POLM: variants seen among roughly 807,000 people sequenced by gnomAD.
POLM encodes the protein DNA-directed DNA/RNA polymerase mu.
Under a neutral mutation model 56.7 loss-of-function variants are expected in POLM, and 52 were observed. The observed-to-expected ratio is 0.92, with a 90% CI of 0.73 to 1.15. POLM has a LOEUF of 1.15. POLM is among the 50% of genes most tolerant of loss of function. The pLI, the probability that POLM is intolerant of heterozygous loss-of-function variation, is 0.00. For missense variants in POLM, 660 were observed against 663.6 expected (o/e 0.99, Z 0.06); for synonymous variants, 273 against 274.3 (o/e 1.00, Z 0.05).
At chr7:44,080,067 A>T in intron 2 of POLM, 108 bp from the exon 3 acceptor site, 1 of 770,652 alleles carries the variant, frequency 1.3e-6, no homozygotes, top group South Asian at 1.5e-5. Context: ...GGCCCTCTGG[A>T]GCTCATGGGA....
intron 2 of POLM, among the ~76,000 whole-genome samples, 168 bp from the exon 3 acceptor site, chr7:44,080,127 C>T (rs2067757147): frequency 6.6e-6 from 1 of 152,198 alleles, no homozygotes; most frequent in South Asian, 2.1e-4. Flanking sequence ...GGAGGCACCG[C>T]CCTGCAGAAC....
At chr7:44,079,798 C>A in intron 3 of POLM, 57 bp from the exon 4 acceptor site, 3 of 1,609,800 alleles carry the variant, frequency 1.9e-6, no homozygotes, top group Non-Finnish European at 2.6e-6. Context: ...CCCCCACCTA[C>A]CACCCATCTG....
chr7:44,074,810 T>C (rs2096179425), intron 6 of POLM, among the ~76,000 whole-genome samples: 1 of 152,228 alleles, frequency 6.6e-6, no homozygotes, highest in Admixed American at 6.5e-5. Flanking sequence ...ATGTGCCTTT[T>C]ACCCAGCTCC....
intron 10 of POLM, 72 bp from the exon 11 acceptor site, chr7:44,073,449 T>TG (rs1203505308): frequency 6.3e-7 from 1 of 1,587,612 alleles, no homozygotes; most frequent in Non-Finnish European, 8.6e-7. Flanking sequence ...AGACTGAGGG[T>TG]GGGGAAGAGC....
chr7:44,080,718 T>G lies in POLM; in HGVS notation c.372+15A>C, dbSNP rs2096197222. The G allele has an allele frequency of 6.2e-7, 1 of 1,613,056 alleles. No individual in the cohort carries two copies. Among genetic ancestry groups the G allele is most frequent in the African/African-American group, 1.3e-5 (1 of 74,902 alleles). ...TTTCACTGTAGCCCCCACTTTAGTC[T>G]TCCACCCAGCTCACCTCCAGGCGGT... On this transcript the variant is annotated intron_variant, in intron 2 of 10. Transcript: ENST00000242248.
At position 44,073,678 on chromosome 7, in the gene POLM, G is replaced by A. The variant is rs776279019; in HGVS notation, c.1345C>T (p.Arg449Trp). The A allele has an allele frequency of 7.1e-5, 114 of 1,614,162 alleles. No homozygotes were observed. In the East Asian group the frequency reaches 7.4e-4, roughly 10 times the overall value. Reference protein sequence around the residue: ...LFQRELRRFSRKEKGLWLNSH... With the variant: ...LFQRELRRFSWKEKGLWLNSH... Reference sequence around the variant, plus strand: ...TTCAGCCACAGGCCCTTCTCCTTCCGGCTGAAGCGGCGCAGCTCCCGCTGG... The same window carrying A: ...TTCAGCCACAGGCCCTTCTCCTTCCAGCTGAAGCGGCGCAGCTCCCGCTGG... Residue 449 changes from arginine to tryptophan, a missense_variant, in exon 10 of 11, where the codon CGG (arginine) becomes TGG (tryptophan). Coordinates refer to ENST00000242248, the MANE Select transcript of POLM (RefSeq NM_013284.4).
In POLM at chr7:44,078,816, G is replaced by C; in HGVS notation, c.643-5C>G. On this transcript the variant is annotated splice_region_variant and splice_polypyrimidine_tract_variant and intron_variant, in intron 4 of 10. Transcript: ENST00000242248. ...CACTCCATGCTCCAGCAGCTCCTGG[G>C]GGAGGGAACAAAGCAGAACTCTAAG... 6.2e-7 allele frequency: 1 copy of C among 1,612,760 alleles called. No homozygotes were observed. Among genetic ancestry groups the C allele is most frequent in the Non-Finnish European group, 8.5e-7 (1 of 1,179,062 alleles).
rs2096176941 is a variant in POLM at position 44,074,217 on chromosome 7, G to A, written c.985C>T (p.His329Tyr). 2 of 1,587,434 alleles carry A rather than the reference G, an allele frequency of 1.3e-6. No individual in the cohort carries two copies. The highest frequency in any genetic ancestry group is 2.3e-5 in the East Asian group (1 of 43,956). Residue 329 changes from histidine (H) to tyrosine (Y), a missense_variant, in exon 8 of 11, where the codon CAT (histidine) becomes TAT (tyrosine). Physicochemically the swap from His to Tyr is moderately conservative, Grantham distance 83. Coordinates refer to ENST00000242248, the MANE Select transcript of POLM (RefSeq NM_013284.4). ...TGGGTGATGAGGAAGTCCACGTCAT[G>A]GCCCTGCAACTTCCCCCTGAGGGCG... ...GGFRRGKLQG[H>Y]DVDFLITHPK...
rs772559667 is a variant in POLM at position 44,079,755 on chromosome 7, C to G, written c.472-14G>C. On this transcript the variant is annotated splice_polypyrimidine_tract_variant and intron_variant, in intron 3 of 10. Coordinates refer to ENST00000242248, the MANE Select transcript of POLM (RefSeq NM_013284.4). ...CTCCAGAGCCTCCTGCAGGGAGGGG[C>G]CCTAGGTAAGGGGCAGGGTGGGCAG... 1.2e-6 allele frequency: 2 copies of G among 1,609,468 alleles called. No individual in the cohort carries two copies. Among genetic ancestry groups the G allele is most frequent in the Non-Finnish European group, 1.7e-6 (2 of 1,177,036 alleles).
At position 44,079,644 on chromosome 7, in the gene POLM, G is replaced by C; in HGVS notation, c.569C>G (p.Pro190Arg). 6.2e-7 allele frequency: 1 copy of C among 1,613,876 alleles called. No individual in the cohort carries two copies. The highest frequency in any genetic ancestry group is 8.5e-7 in the Non-Finnish European group (1 of 1,179,940). The change falls in exon 4 of 11, where the codon CCC becomes CGC. Residue 190 changes from proline to arginine, a missense_variant. Pro to Arg is a moderately radical substitution (Grantham distance 103). Transcript: ENST00000242248. ...CTGGCTCAGGGTTGTGACAGGGCTG[G>C]GAAGGGCCTTGAGCACCGAGGCTGC... The part of the protein sequence containing the change: ...CRAASVLKAL[P>R]SPVTTLSQLQ...
In POLM at chr7:44,079,844, T is replaced by G; in HGVS notation, c.471+17A>C. On this transcript the variant is annotated intron_variant, in intron 3 of 10. Transcript: ENST00000242248. Reference sequence around the variant, plus strand: ...CCCAACCCCCAGGGCTGGCCAAGGCTCATAGAAGCGGCTTACGGAGAGGCC... The same window carrying G: ...CCCAACCCCCAGGGCTGGCCAAGGCGCATAGAAGCGGCTTACGGAGAGGCC... 1 of 1,613,680 alleles carries G rather than the reference T, an allele frequency of 6.2e-7. No homozygotes were observed.
At position 44,082,270 on chromosome 7, in the gene POLM, G is replaced by A. The variant is rs760315142; in HGVS notation, c.169C>T (p.Arg57Cys). 1 of 1,511,262 alleles carries A rather than the reference G, an allele frequency of 6.6e-7. No individual in the cohort carries two copies. Among genetic ancestry groups the A allele is most frequent in the Admixed American group, 2.3e-5 (1 of 43,616 alleles). The allele number at this position is 1,511,262 out of a possible 1,614,324, so 93.6% of individuals were successfully genotyped here. ...LTGLARSKGF[R>C]VLDACSSEAT... ...CCGCACCTGCAGGCGTCAAGGACGC[G>A]GAAGCCTTTGGAGCGCGCCAGGCCT... is the stretch of plus-strand genomic sequence containing the variant. The change falls in exon 1 of 11, where the codon CGC (arginine) becomes TGC (cysteine). Residue 57 changes from arginine (R) to cysteine (C), a missense_variant. Arg to Cys is a radical substitution (Grantham distance 180). Coordinates refer to ENST00000242248, the MANE Select transcript of POLM (RefSeq NM_013284.4).
At chr7:44,081,002 T>C (rs2096198383) in intron 1 of POLM, 86 bp from the exon 2 acceptor site, 3 of 1,154,062 alleles carry the variant, frequency 2.6e-6, no homozygotes, top group Admixed American at 5.1e-5. Flanking sequence ...TTGCCGTCCC[T>C]TCTGCATGGT....
In POLM at chr7:44,079,926, C is replaced by A; in HGVS notation, c.406G>T (p.Ala136Ser). 6.2e-7 allele frequency: 1 copy of A among 1,613,948 alleles called. No individual in the cohort carries two copies. The highest frequency in any genetic ancestry group is 8.5e-7 in the Non-Finnish European group (1 of 1,179,962). The change falls in exon 3 of 11, where the codon GCA (alanine) becomes TCA (serine). Residue 136 changes from alanine (A) to serine (S), a missense_variant. Ala to Ser is a moderately conservative substitution (Grantham distance 99). Transcript: ENST00000242248. ...AGPRKGPLSP[A>S]WMPAYACQRP... The stretch of plus-strand genomic sequence containing the variant: ...TGGCAGGCATAGGCAGGCATCCATG[C>A]TGGGCTCAGAGGCCCCTTCCTTGGC...
In POLM at chr7:44,082,347, G is replaced by A; in HGVS notation, c.92C>T (p.Ala31Val). The part of the protein sequence containing the change: ...TPPSTRFPGV[A>V]IYLVEPRMGR... ...CATGCGAGGCTCGACCAGGTAGATG[G>A]CGACTCCCGGGAAGCGCGTCGAGGG... The change falls in exon 1 of 11, where the codon GCC (alanine) becomes GTC (valine). Residue 31 changes from alanine to valine, a missense_variant. Transcript: ENST00000242248. 6.4e-7 allele frequency: 1 copy of A among 1,559,566 alleles called. No individual in the cohort carries two copies. The highest frequency in any genetic ancestry group is 8.6e-7 in the Non-Finnish European group (1 of 1,160,100).
At chr7:44,082,224 C>G (rs1335170907) in intron 1 of POLM, 27 bp downstream of exon 1, 1 of 1,422,262 alleles carries the variant, frequency 7.0e-7, no homozygotes. Flanking sequence ...GCCATGGAAG[C>G]CCTCGCCGCG....
rs201483945 is a variant in POLM, at chr7:44,080,922, G to A, written c.189-6C>T. 61 of 1,554,514 alleles carry A rather than the reference G, an allele frequency of 3.9e-5. No homozygotes were observed. Among genetic ancestry groups the A allele is most frequent in the Admixed American group, 1.2e-4 (6 of 52,042 alleles). ...CAACATGTGTCGCTTCGGAGCTGGT[G>A]GAGGGAGTTGGGAGAGAAGGAGGAG... is the stretch of plus-strand genomic sequence containing the variant. On this transcript the variant is annotated splice_polypyrimidine_tract_variant and splice_region_variant and intron_variant, in intron 1 of 10. Coordinates refer to ENST00000242248, the MANE Select transcript of POLM (RefSeq NM_013284.4).
chr7:44,074,063 G>C (rs2096176341), intron 8 of POLM, 38 bp from the exon 9 acceptor site: 2 of 1,609,164 alleles, frequency 1.2e-6, no homozygotes, highest in African/African-American at 2.7e-5. Flanking sequence ...ACCATCCGGT[G>C]GTGTGGAGAG....
In POLM at chr7:44,078,725, C is replaced by A. The variant is rs921085339; in HGVS notation, c.714+15G>T. The A allele has an allele frequency of 7.0e-7, 1 of 1,421,850 alleles. No homozygotes were observed. The allele number at this position is 1,421,850 out of a possible 1,614,324, so 88.1% of individuals were successfully genotyped here. On this transcript the variant is annotated intron_variant, in intron 5 of 10. Coordinates refer to ENST00000242248, the MANE Select transcript of POLM (RefSeq NM_013284.4). ...AGGACATTCCTGGGGTAGGTCCGAG[C>A]CCTGCCCTGCGCACCTTCATGGTCT...
Sources: gnomAD v4.1 joint callset for allele counts (sites outside exome capture counted in the v4.1 genomes callset) on GRCh38, gnomAD v4.1.1 for gene constraint, MANE v1.5 for transcripts, NCBI Gene and HGNC (gene_info 2026-07-23, HGNC 2026-07-21) for gene names.